The following RIMKLB variants were observed in gnomAD, a reference collection of about 807,000 sequenced individuals.
RIMKLB encodes ribosomal modification protein rimK like family member B, also known as beta-citrylglutamate synthase B.
RIMKLB carries 7 observed loss-of-function variants against 32.0 expected under a neutral mutation model. That is an observed-to-expected ratio of 0.22 (90% CI 0.12 to 0.41). RIMKLB has a LOEUF of 0.41. RIMKLB is among the 10% of genes least tolerant of loss of function. The probability of loss-of-function intolerance (pLI) is 1.00; values close to 1 mark genes in which losing one functional copy is unlikely to be tolerated. For missense variants in RIMKLB, 289 were observed against 498.7 expected (o/e 0.58, Z 4.00); for synonymous variants, 172 against 185.1 (o/e 0.93, Z 0.57).
chr12:8,715,228 C>CTTTTTTTTTTTTTTTTTTTTTTTT (rs61677474), intron 2 of RIMKLB, among the ~76,000 whole-genome samples: 2 of 123,762 alleles, frequency 1.6e-5, no homozygotes, highest in African/African-American at 6.6e-5. Context: ...TGCTCTTGTT[C>CTTTTTTTTTTTTTTTTTTTTTTTT]TTTTTTTTTT....
At chr12:8,758,071 AC>A (rs1169052900) in intron 5 of RIMKLB, among the ~76,000 whole-genome samples, 14 of 151,534 alleles carry the variant, frequency 9.2e-5, no homozygotes, top group African/African-American at 3.2e-4. Flanking sequence ...AGCTGGGATT[AC>A]AGGCGTGAGC....
At chr12:8,711,188 T>G (rs1025704959) in intron 1 of RIMKLB, among the ~76,000 whole-genome samples, 1 of 151,640 alleles carries the variant, frequency 6.6e-6, no homozygotes, top group Non-Finnish European at 1.5e-5. Context: ...GAGCCAAGGT[T>G]GCGCCACTGC....
chr12:8,684,670 A>T (rs1028284282), intron 1 of RIMKLB, among the ~76,000 whole-genome samples: 35 of 152,140 alleles, frequency 2.3e-4, no homozygotes, highest in African/African-American at 8.5e-4. Flanking sequence ...CCTGTTGCCC[A>T]GGCTGGAGGG....
Position 8,772,608 on chromosome 12 carries a change from C to T in RIMKLB, c.698-713C>T, listed in dbSNP as rs189386686. Among the ~76,000 whole-genome samples, 3 of 152,350 alleles carry T rather than the reference C, an allele frequency of 2.0e-5. No individual in the cohort carries two copies. The East Asian group carries it at 5.8e-4, about 29-fold the overall frequency. ...CCTCAGTGGTAGGGAGGATCCACCTCACCTGTCCAGCTACTTCTGGCCTTT... is the reference window on the plus strand; with the variant it reads ...CCTCAGTGGTAGGGAGGATCCACCTTACCTGTCCAGCTACTTCTGGCCTTT... On this transcript the variant is annotated intron_variant, in intron 5 of 5. Transcript: ENST00000535829.
intron 1 of RIMKLB, among the ~76,000 whole-genome samples, chr12:8,687,546 C>T (rs1157309341): frequency 2.0e-5 from 3 of 152,200 alleles, no homozygotes; most frequent in African/African-American, 4.8e-5. Context: ...TTTCCTCTCT[C>T]TGCCTCTGCT....
rs71451981 is a variant in RIMKLB, at chr12:8,716,725, CTTT to C, written c.175+2706_175+2708del. The stretch of plus-strand genomic sequence containing the variant: ...CTCTAGCTTTTTCTTTCTTTTCCTT[CTTT>C]TTTTTTTTTTTTTTTTTTTTTACTT... On this transcript the variant is annotated intron_variant, in intron 2 of 5. Transcript: ENST00000535829. Among the ~76,000 whole-genome samples the C allele has an allele frequency of 3.8e-3, 364 of 95,146 alleles. 2 individuals carry two copies. The East Asian group carries it at 0.042, about 11-fold the overall frequency. 62.4% of individuals were successfully genotyped at this position (95,146 alleles called of 152,430 possible).
chr12:8,759,850 ATATT>A (rs1949368336), intron 5 of RIMKLB, among the ~76,000 whole-genome samples: 1 of 152,186 alleles, frequency 6.6e-6, no homozygotes, highest in South Asian at 2.1e-4. Flanking sequence ...TTAGGATACT[ATATT>A]TAAGGAGATT....
intron 2 of RIMKLB, among the ~76,000 whole-genome samples, chr12:8,719,611 C>T (rs1018845584): frequency 2.8e-4 from 43 of 152,054 alleles, no homozygotes; most frequent in South Asian, 2.1e-4. Flanking sequence ...TCCGGTGATC[C>T]GCCCGCCTCG....
At chr12:8,683,894 C>T (rs1942489067) in intron 1 of RIMKLB, among the ~76,000 whole-genome samples, 1 of 151,992 alleles carries the variant, frequency 6.6e-6, no homozygotes, top group Admixed American at 6.6e-5. Flanking sequence ...CTTAAAGGCG[C>T]CTGCCACCAC....
chr12:8,711,079 C>T (rs745776924), intron 1 of RIMKLB, among the ~76,000 whole-genome samples: 5 of 151,036 alleles, frequency 3.3e-5, no homozygotes, highest in African/African-American at 1.2e-4. Context: ...GAGAAAAGTA[C>T]GAAAATTAGC....
intron 2 of RIMKLB, among the ~76,000 whole-genome samples, chr12:8,722,525 G>A (rs1371554916): frequency 6.6e-6 from 1 of 152,076 alleles, no homozygotes; most frequent in Non-Finnish European, 1.5e-5. Context: ...TAGGATTTTT[G>A]GAATGCTAAA....
At chr12:8,720,465 T>A (rs1421013709) in intron 2 of RIMKLB, among the ~76,000 whole-genome samples, 2 of 152,190 alleles carry the variant, frequency 1.3e-5, no homozygotes, top group Non-Finnish European at 2.9e-5. Flanking sequence ...AGGAGTCTAG[T>A]AGAATTAAAG....
At position 8,775,099 on chromosome 12, in the gene RIMKLB, TTG is replaced by T. The variant is rs1950656297; in HGVS notation, c.*1317_*1318del. ...TTAGGCCTTTTTGTGTATATGTACG[TTG>T]TTTGTTTTTTTCCTTTTGTTTCTAG... On this transcript the variant is annotated 3_prime_UTR_variant, in exon 6 of 6. Transcript: ENST00000535829. 6 of 985,492 alleles carry T rather than the reference TTG, an allele frequency of 6.1e-6. No homozygotes were observed. Among genetic ancestry groups the T allele is most frequent in the Non-Finnish European group, 2.4e-6 (2 of 829,758 alleles). 61.0% of individuals were successfully genotyped at this position (985,492 alleles called of 1,614,324 possible). A position where few individuals can be genotyped will look rare whatever the true frequency, so the allele number is the denominator to read the frequency against.
chr12:8,698,277 G>T lies in RIMKLB; in HGVS notation c.-77G>T. On this transcript the variant is annotated 5_prime_UTR_variant, in exon 1 of 6. In the 5' UTR this introduces an upstream ATG that the reference lacks. Transcript: ENST00000535829. The stretch of plus-strand genomic sequence containing the variant: ...GCCCGGCTCAGTCGGCCGAGAGCGA[G>T]GGAGGAGCCCCCCGACCCAGGTGAG... 2.8e-6 allele frequency: 1 copy of T among 360,916 alleles called. No individual in the cohort carries two copies. The highest frequency in any genetic ancestry group is 3.2e-5 in the Admixed American group (1 of 31,056). 22.4% of individuals were successfully genotyped at this position (360,916 alleles called of 1,614,324 possible).
chr12:8,748,550 G>GTT (rs1948329944), intron 2 of RIMKLB, among the ~76,000 whole-genome samples: 1 of 109,760 alleles, frequency 9.1e-6, no homozygotes. Flanking sequence ...GTGTGTGTGT[G>GTT]TGTGTGTGCA....
At chr12:8,690,015 G>C (rs1187823052) in intron 1 of RIMKLB, among the ~76,000 whole-genome samples, 1 of 152,018 alleles carries the variant, frequency 6.6e-6, no homozygotes, top group African/African-American at 2.4e-5. Flanking sequence ...CACTCTATTA[G>C]GCAATAAGCC....
chr12:8,763,280 T>C (rs1949685083), intron 5 of RIMKLB, among the ~76,000 whole-genome samples: 1 of 152,308 alleles, frequency 6.6e-6, no homozygotes, highest in African/African-American at 2.4e-5. Flanking sequence ...CTATTCCTGT[T>C]TTTTTTCTGT....
intron 5 of RIMKLB, among the ~76,000 whole-genome samples, chr12:8,765,116 G>T (rs1306789482): frequency 1.3e-5 from 2 of 151,848 alleles, no homozygotes; most frequent in Non-Finnish European, 2.9e-5. Flanking sequence ...TTTAAGATTA[G>T]TTGGCCTTTA....
chr12:8,782,363 T>C (rs1951135165), intron 7 of RIMKLB, among the ~76,000 whole-genome samples: 1 of 152,000 alleles, frequency 6.6e-6, no homozygotes, highest in African/African-American at 2.4e-5. Context: ...TATTATAGGA[T>C]TGCTAAGGAG....
Sources: gnomAD v4.1 joint callset for allele counts (sites outside exome capture counted in the v4.1 genomes callset) on GRCh38, gnomAD v4.1.1 for gene constraint, MANE v1.5 for transcripts, NCBI Gene and HGNC (gene_info 2026-07-23, HGNC 2026-07-21) for gene names.